Variants in PLEKHA8 observed in about 807,000 individuals in gnomAD.
PLEKHA8 encodes the protein pleckstrin homology domain containing A8, also known as pleckstrin homology domain-containing family A member 8.
Under a neutral mutation model 68.2 loss-of-function variants are expected in PLEKHA8, and 36 were observed. The ratio of observed to expected loss-of-function variants is 0.53; its 90% confidence interval spans 0.40 to 0.70. The LOEUF is 0.70. Ranked by LOEUF, PLEKHA8 falls within the 30% of genes least tolerant of loss-of-function variation. PLEKHA8 has a pLI of 0.00. For synonymous variants in PLEKHA8, 211 were observed against 216.1 expected (o/e 0.98, Z 0.20); for missense variants, 505 against 615.4 (o/e 0.82, Z 1.90).
At chr7:30,049,512 CT>C in intron 5 of PLEKHA8, 130 bp downstream of exon 5, 58 of 1,202,688 alleles carry the variant, frequency 4.8e-5, no homozygotes, top group Non-Finnish European at 5.4e-5. Flanking sequence ...GCTCTACGTC[CT>C]TTTTTTATAT....
rs796801365 is a variant in PLEKHA8 at position 30,108,067 on chromosome 7, C to CAAAAAAAAAAAAAA, written c.1363-21187_1363-21174dup. Among the ~76,000 whole-genome samples the CAAAAAAAAAAAAAA allele has an allele frequency of 5.4e-3, 283 of 52,746 alleles. 13 individuals are homozygous for CAAAAAAAAAAAAAA. Among genetic ancestry groups the CAAAAAAAAAAAAAA allele is most frequent in the African/African-American group, 0.014 (197 of 13,648 alleles). 34.6% of individuals were successfully genotyped at this position (52,746 alleles called of 152,430 possible). ...CTGGGCAAAAAGCAAAACTCCATCT[C>CAAAAAAAAAAAAAA]AAAAAAAAAAAAAAAAAAAAAAAAA... is the stretch of plus-strand genomic sequence containing the variant. On this transcript the variant is annotated intron_variant, in intron 13 of 13. Transcript: ENST00000396257.
chr7:30,069,767 G>A (rs1794114114), intron 12 of PLEKHA8: 1 of 152,056 alleles, frequency 6.6e-6, no homozygotes, highest in South Asian at 2.1e-4. Context: ...TGTGACCTTG[G>A]GAAAGTCACT....
chr7:30,115,583 T>G (rs759252675), intron 13 of PLEKHA8, among the ~76,000 whole-genome samples: 2 of 114,788 alleles, frequency 1.7e-5, no homozygotes, highest in Non-Finnish European at 4.1e-5. Flanking sequence ...CATGCACGTA[T>G]ACATGTAGAC....
chr7:30,078,957 T>A lies in PLEKHA8; in HGVS notation c.*170T>A. 1 of 1,417,278 alleles carries A rather than the reference T, an allele frequency of 7.1e-7. No individual in the cohort carries two copies. The highest frequency in any genetic ancestry group is 9.2e-7 in the Non-Finnish European group (1 of 1,089,912). The allele number at this position is 1,417,278 out of a possible 1,614,324, so 87.8% of individuals were successfully genotyped here. On this transcript the variant is annotated 3_prime_UTR_variant, in exon 14 of 14. Transcript: ENST00000449726. ...ATAATTTTTAAAATGCATATGTGTT[T>A]TGTTTAAAGATCAAGGTGCTATATA...
rs528174261 is a variant in PLEKHA8 at position 30,083,729 on chromosome 7, G to A, written c.*4942G>A. On this transcript the variant is annotated 3_prime_UTR_variant, in exon 14 of 14. Coordinates refer to ENST00000449726, the MANE Select transcript of PLEKHA8 (RefSeq NM_001197026.2). ...CACTTCTGTTCCAGAGTGAACAAAT[G>A]TTTTCAGCTAAGCTATGTGAGAATG... 2 of 985,122 alleles carry A rather than the reference G, an allele frequency of 2.0e-6. No homozygotes were observed. The highest frequency in any genetic ancestry group is 2.4e-6 in the Non-Finnish European group (2 of 829,794). 61.0% of individuals were successfully genotyped at this position (985,122 alleles called of 1,614,324 possible). A position where few individuals can be genotyped will look rare whatever the true frequency, so the allele number is the denominator to read the frequency against.
rs1794915373 is a variant in PLEKHA8, at chr7:30,081,237, G to T, written c.*2450G>T. 2.0e-6 allele frequency: 2 copies of T among 985,232 alleles called. No individual in the cohort carries two copies. Among genetic ancestry groups the T allele is most frequent in the African/African-American group, 3.5e-5 (2 of 57,228 alleles). The allele number at this position is 985,232 out of a possible 1,614,324, so 61.0% of individuals were successfully genotyped here. ...CAATTACCCTTTTTCCACATCTGTA[G>T]AAAGAGGGTAATATTTTTTAATAGG... On this transcript the variant is annotated 3_prime_UTR_variant, in exon 14 of 14. Coordinates refer to ENST00000449726, the MANE Select transcript of PLEKHA8 (RefSeq NM_001197026.2).
chr7:30,070,131 G>GT (rs140563794), intron 12 of PLEKHA8, among the ~76,000 whole-genome samples: 1,923 of 145,356 alleles, frequency 0.013, 35 homozygotes, highest in African/African-American at 0.039. Context: ...TTTGGGAAGT[G>GT]TTTTTTTTTT....
intron 13 of PLEKHA8, among the ~76,000 whole-genome samples, chr7:30,116,808 G>A (rs777142688): frequency 1.1e-4 from 17 of 152,122 alleles, no homozygotes; most frequent in South Asian, 2.1e-4. Flanking sequence ...GTCTGAAGTC[G>A]TTCCCCAACA....
intron 13 of PLEKHA8, among the ~76,000 whole-genome samples, chr7:30,110,423 A>T (rs533448949): frequency 2.6e-5 from 4 of 152,198 alleles, no homozygotes; most frequent in Non-Finnish European, 5.9e-5. Flanking sequence ...TCACCAGTTA[A>T]TGAGCATTTG....
At chr7:30,094,796 A>G (rs571903718), downstream of PLEKHA8, among the ~76,000 whole-genome samples, 2 of 150,226 alleles carry the variant, frequency 1.3e-5, no homozygotes, top group South Asian at 4.2e-4. Flanking sequence ...TGTCCTCGTG[A>G]TAATTTGCTG....
intron 1 of PLEKHA8, among the ~76,000 whole-genome samples, chr7:30,034,090 T>C (rs2127958920): frequency 7.2e-6 from 1 of 139,404 alleles, no homozygotes; most frequent in Non-Finnish European, 1.5e-5. Flanking sequence ...AGTGGTGTGA[T>C]CTCCGCCTCC....
chr7:30,040,041 GTTCTC>G (rs1378320999), intron 1 of PLEKHA8, among the ~76,000 whole-genome samples: 1 of 152,158 alleles, frequency 6.6e-6, no homozygotes, highest in Admixed American at 6.5e-5. Context: ...GGTTGAAGAA[GTTCTC>G]TTCTAAGTTT....
At chr7:30,117,805 C>T (rs769676023) in intron 13 of PLEKHA8, among the ~76,000 whole-genome samples, 7 of 152,098 alleles carry the variant, frequency 4.6e-5, no homozygotes, top group Non-Finnish European at 8.8e-5. Context: ...TTAGTGTGCA[C>T]ACTAAAAAAA....
Position 30,080,447 on chromosome 7 carries a change from AGATGATGCTGTT to A in PLEKHA8, c.*1661_*1672del, listed in dbSNP as rs1794869638. 1 of 985,240 alleles carries A rather than the reference AGATGATGCTGTT, an allele frequency of 1.0e-6. No homozygotes were observed. The highest frequency in any genetic ancestry group is 1.2e-6 in the Non-Finnish European group (1 of 829,916). 61.0% of individuals were successfully genotyped at this position (985,240 alleles called of 1,614,324 possible). ...TGGTTGAATTGAGAGCATCATCTCT[AGATGATGCTGTT>A]CCTGCTGCAGATCTCTAGGATGGAG... On this transcript the variant is annotated 3_prime_UTR_variant, in exon 14 of 14. Transcript: ENST00000449726.
intron 10 of PLEKHA8, 126 bp downstream of exon 10, chr7:30,061,068 A>T: frequency 5.9e-6 from 5 of 843,066 alleles, no homozygotes; most frequent in South Asian, 4.7e-5. Context: ...GAGAGCAAGC[A>T]TCTTTCTTCT....
rs778942383 is a variant in PLEKHA8 at position 30,082,576 on chromosome 7, T to A, written c.*3789T>A. 1 of 985,378 alleles carries A rather than the reference T, an allele frequency of 1.0e-6. No homozygotes were observed. The highest frequency in any genetic ancestry group is 1.2e-6 in the Non-Finnish European group (1 of 829,876). The allele number at this position is 985,378 out of a possible 1,614,324, so 61.0% of individuals were successfully genotyped here. On this transcript the variant is annotated 3_prime_UTR_variant, in exon 14 of 14. Transcript: ENST00000449726. ...GAGTGCAGCGGAAAAAAATTTGCACTCTTCTCCTTTTGGTTATTACTTTCC... is the reference window on the plus strand; with the variant it reads ...GAGTGCAGCGGAAAAAAATTTGCACACTTCTCCTTTTGGTTATTACTTTCC...
intron 12 of PLEKHA8, chr7:30,072,095 A>G (rs1583430593): frequency 1.3e-5 from 2 of 152,198 alleles, no homozygotes; most frequent in East Asian, 3.8e-4. Context: ...TGTATCTTTG[A>G]TCATGCCCTA....
At chr7:30,100,327 G>C (rs1054738417) in intron 13 of PLEKHA8, among the ~76,000 whole-genome samples, 1 of 152,134 alleles carries the variant, frequency 6.6e-6, no homozygotes, top group African/African-American at 2.4e-5. Flanking sequence ...AAGGAGGGTG[G>C]ATCACTTGAG....
rs568364989 is a variant in PLEKHA8 at position 30,079,925 on chromosome 7, G to C, written c.*1138G>C. The C allele has an allele frequency of 1.0e-6, 1 of 983,056 alleles. No homozygotes were observed. Among genetic ancestry groups the C allele is most frequent in the Admixed American group, 6.2e-5 (1 of 16,154 alleles). 60.9% of individuals were successfully genotyped at this position (983,056 alleles called of 1,614,324 possible). On this transcript the variant is annotated 3_prime_UTR_variant, in exon 14 of 14. Coordinates refer to ENST00000449726, the MANE Select transcript of PLEKHA8 (RefSeq NM_001197026.2). ...TTTTTTTTTTTTCAAAGAGGATAAG[G>C]CTGCTATTTAAATAAAATAGCTAAA... is the stretch of plus-strand genomic sequence containing the variant.
Sources: gnomAD v4.1 joint callset for allele counts (sites outside exome capture counted in the v4.1 genomes callset) on GRCh38, gnomAD v4.1.1 for gene constraint, MANE v1.5 for transcripts, NCBI Gene and HGNC (gene_info 2026-07-23, HGNC 2026-07-21) for gene names.